The following C1orf21 variants were observed in gnomAD, a reference collection of about 807,000 sequenced individuals.
The protein encoded by C1orf21 is chromosome 1 open reading frame 21, also known as uncharacterized protein C1orf21.
C1orf21 carries 3 observed loss-of-function variants against 18.7 expected under a neutral mutation model. The ratio of observed to expected loss-of-function variants is 0.16; its 90% confidence interval spans 0.07 to 0.42. C1orf21 has a LOEUF of 0.42. Ranked by LOEUF, C1orf21 falls within the 10% of genes least tolerant of loss-of-function variation. The pLI is 0.99. For missense variants in C1orf21, 104 were observed against 143.6 expected (o/e 0.72, Z 1.41); for synonymous variants, 41 against 46.4 (o/e 0.88, Z 0.47).
At chr1:184,478,418 C>G (rs1218087096) in intron 2 of C1orf21, among the ~76,000 whole-genome samples, 4 of 151,938 alleles carry the variant, frequency 2.6e-5, no homozygotes, top group African/African-American at 9.7e-5. Flanking sequence ...TTGCCCCCTC[C>G]CCAAAGAATT....
chr1:184,579,389 T>G lies in C1orf21; in HGVS notation c.190-11350T>G, dbSNP rs1216792405. Among the ~76,000 whole-genome samples the G allele has an allele frequency of 4.6e-3, 571 of 125,340 alleles. 3 individuals carry two copies. Among genetic ancestry groups the G allele is most frequent in the Middle Eastern group, 0.031 (8 of 254 alleles). The allele number at this position is 125,340 out of a possible 152,430, so 82.2% of individuals were successfully genotyped here. A position where few individuals can be genotyped will look rare whatever the true frequency, so the allele number is the denominator to read the frequency against. ...TTTAATATAAGCTGGGTTTTTTTTT[T>G]TTTTTTTTTTTTTTTTTTGAGACGA... On this transcript the variant is annotated intron_variant, in intron 3 of 5. Coordinates refer to ENST00000235307, the MANE Select transcript of C1orf21 (RefSeq NM_030806.4).
At chr1:184,434,060 G>T (rs1233254578) in intron 1 of C1orf21, among the ~76,000 whole-genome samples, 2 of 152,102 alleles carry the variant, frequency 1.3e-5, no homozygotes, top group African/African-American at 4.8e-5. Flanking sequence ...CTTCCTCCCT[G>T]TGTACTGTAA....
chr1:184,407,820 C>T (rs144019204), intron 1 of C1orf21, among the ~76,000 whole-genome samples: 344 of 152,228 alleles, frequency 2.3e-3, no homozygotes, highest in Middle Eastern at 0.017. Flanking sequence ...TATCCTTTTA[C>T]AAAATGAAGT....
At chr1:184,426,172 C>T (rs1236438854) in intron 1 of C1orf21, among the ~76,000 whole-genome samples, 7 of 152,318 alleles carry the variant, frequency 4.6e-5, no homozygotes, top group East Asian at 1.9e-4. Context: ...TTATCTCTGG[C>T]GTTGTTTTAT....
At chr1:184,615,552 T>G (rs1659808177) in intron 5 of C1orf21, among the ~76,000 whole-genome samples, 1 of 152,226 alleles carries the variant, frequency 6.6e-6, no homozygotes, top group Non-Finnish European at 1.5e-5. Context: ...GGCATACTTC[T>G]GCGAAGAATT....
At chr1:184,608,480 A>G (rs1659682335) in intron 5 of C1orf21, among the ~76,000 whole-genome samples, 1 of 152,214 alleles carries the variant, frequency 6.6e-6, no homozygotes, top group African/African-American at 2.4e-5. Flanking sequence ...TTCACTTGAA[A>G]TCACTGCTGT....
chr1:184,538,165 T>C (rs997187467), intron 3 of C1orf21, among the ~76,000 whole-genome samples: 41 of 152,298 alleles, frequency 2.7e-4, no homozygotes, highest in African/African-American at 9.4e-4. Context: ...TCCTACTGAG[T>C]GTGAGGTGGT....
chr1:184,527,448 A>G (rs1658394067), intron 3 of C1orf21, among the ~76,000 whole-genome samples: 1 of 152,160 alleles, frequency 6.6e-6, no homozygotes, highest in African/African-American at 2.4e-5. Context: ...GGAACAATTG[A>G]TTATGTCTCA....
chr1:184,494,550 C>T (rs556989617), intron 2 of C1orf21, among the ~76,000 whole-genome samples: 13 of 152,018 alleles, frequency 8.6e-5, no homozygotes, highest in Admixed American at 3.9e-4. Flanking sequence ...GAGATATGGG[C>T]GGGCTTGGGA....
intron 3 of C1orf21, among the ~76,000 whole-genome samples, chr1:184,522,425 A>G (rs974805197): frequency 1.1e-4 from 16 of 152,056 alleles, no homozygotes; most frequent in African/African-American, 3.6e-4. Flanking sequence ...TCTCCAATAA[A>G]AGGAACTAGG....
chr1:184,578,938 C>CATTT (rs1659233098), intron 3 of C1orf21, among the ~76,000 whole-genome samples: 1 of 147,680 alleles, frequency 6.8e-6, no homozygotes, highest in Non-Finnish European at 1.5e-5. Context: ...TGATATCCGT[C>CATTT]ATTTAGTCCA....
chr1:184,597,864 T>C (rs899595704), intron 4 of C1orf21, among the ~76,000 whole-genome samples: 4 of 152,174 alleles, frequency 2.6e-5, no homozygotes, highest in Non-Finnish European at 4.4e-5. Flanking sequence ...TTCAGAGGTG[T>C]ATCTGCTGCC....
chr1:184,486,443 A>G (rs748324288), intron 2 of C1orf21, among the ~76,000 whole-genome samples: 3 of 152,212 alleles, frequency 2.0e-5, no homozygotes, highest in Non-Finnish European at 4.4e-5. Flanking sequence ...GGAGGAACAC[A>G]TAGTTAATAA....
intron 3 of C1orf21, among the ~76,000 whole-genome samples, chr1:184,530,600 C>CTTTTTTTTTTTTTTTT (rs1184327589): frequency 4.3e-4 from 48 of 111,418 alleles, no homozygotes; most frequent in East Asian, 7.7e-4. Flanking sequence ...TTTCTTTTTT[C>CTTTTTTTTTTTTTTTT]TTTTTTTTTT....
At chr1:184,406,083 A>G (rs1394517203) in intron 1 of C1orf21, among the ~76,000 whole-genome samples, 1 of 152,264 alleles carries the variant, frequency 6.6e-6, no homozygotes, top group Non-Finnish European at 1.5e-5. Flanking sequence ...ATCTCAAATG[A>G]GAATTTTATG....
At position 184,607,609 on chromosome 1, in the gene C1orf21, A is replaced by C. The variant is rs139821732; in HGVS notation, c.327+9148A>C. Among the ~76,000 whole-genome samples, 949 of 151,962 alleles carry C rather than the reference A, an allele frequency of 6.2e-3. 15 individuals are homozygous for C. Among genetic ancestry groups the C allele is most frequent in the African/African-American group, 0.022 (900 of 41,444 alleles). ...ACATAAACCAAGCATATAGATATAT[A>C]TATACACATGTGTATATACACATAC... is the stretch of plus-strand genomic sequence containing the variant. On this transcript the variant is annotated intron_variant, in intron 5 of 5. Transcript: ENST00000235307.
At chr1:184,562,148 A>C (rs1658977581) in intron 3 of C1orf21, among the ~76,000 whole-genome samples, 1 of 152,078 alleles carries the variant, frequency 6.6e-6, no homozygotes, top group South Asian at 2.1e-4. Context: ...ACATGGAGTA[A>C]CTCACATATT....
chr1:184,532,265 G>A (rs1571401529), intron 3 of C1orf21, among the ~76,000 whole-genome samples: 1 of 152,106 alleles, frequency 6.6e-6, no homozygotes, highest in Non-Finnish European at 1.5e-5. Context: ...TCTTTCAACT[G>A]TAAAACAATA....
At chr1:184,490,985 G>A (rs1022826515) in intron 2 of C1orf21, among the ~76,000 whole-genome samples, 33 of 151,836 alleles carry the variant, frequency 2.2e-4, no homozygotes, top group African/African-American at 7.7e-4. Flanking sequence ...AAGAACTTGT[G>A]GAGCAAGGTA....
Sources: allele counts gnomAD v4.1 joint callset (sites outside exome capture counted in the v4.1 genomes callset), GRCh38; gene constraint gnomAD v4.1.1; transcripts MANE v1.5; gene names NCBI Gene and HGNC (gene_info 2026-07-23, HGNC 2026-07-21).